Variants in TDRP observed in about 807,000 individuals in gnomAD.
TDRP encodes the protein testis development related protein, also known as testis development-related protein.
A neutral mutation model predicts 10.5 loss-of-function variants in TDRP; 12 were observed. That is an observed-to-expected ratio of 1.15 (90% CI 0.73 to 1.86). TDRP has a LOEUF of 1.86. TDRP is among the 40% of genes most tolerant of loss of function. The pLI, the probability that TDRP is intolerant of heterozygous loss-of-function variation, is 0.00. For missense variants in TDRP, 353 were observed against 229.2 expected (o/e 1.54, Z -3.49); for synonymous variants, 139 against 95.4 (o/e 1.46, Z -2.67).
At chr8:543,987 C>T (rs1802568827) in intron 1 of TDRP, among the ~76,000 whole-genome samples, 1 of 152,046 alleles carries the variant, frequency 6.6e-6, no homozygotes, top group African/African-American at 2.4e-5. Context: ...CCTGGGAGCC[C>T]TTTCAATTAC....
At chr8:539,905 A>C (rs1430556840) in intron 1 of TDRP, among the ~76,000 whole-genome samples, 1 of 152,190 alleles carries the variant, frequency 6.6e-6, no homozygotes, top group Admixed American at 6.5e-5. Flanking sequence ...AACACCTGAA[A>C]CACTCCTTGA....
chr8:515,529 T>C (rs1047035278), intron 1 of TDRP, among the ~76,000 whole-genome samples: 2 of 152,202 alleles, frequency 1.3e-5, no homozygotes, highest in Non-Finnish European at 2.9e-5. Context: ...TTGTCGATCA[T>C]CATGTCAGCA....
intron 1 of TDRP, among the ~76,000 whole-genome samples, chr8:523,330 G>T (rs1319542068): frequency 6.6e-6 from 1 of 152,034 alleles, no homozygotes; most frequent in African/African-American, 2.4e-5. Flanking sequence ...TTTTTCGGGG[G>T]GAATGGAGGT....
chr8:506,596 A>G (rs146763488), intron 1 of TDRP, among the ~76,000 whole-genome samples: 3 of 152,136 alleles, frequency 2.0e-5, no homozygotes, highest in African/African-American at 7.2e-5. Context: ...TGGGCTCGAG[A>G]GGTGACGGTT....
chr8:544,539 G>C, intron 1 of TDRP, 111 bp downstream of exon 1: 1 of 725,484 alleles, frequency 1.4e-6, no homozygotes, highest in African/African-American at 1.8e-5. Flanking sequence ...TCACCTGCCC[G>C]CCCAAACTGT....
intron 1 of TDRP, among the ~76,000 whole-genome samples, chr8:510,794 C>T (rs1188606453): frequency 8.5e-5 from 13 of 152,160 alleles, no homozygotes; most frequent in African/African-American, 3.1e-4. Flanking sequence ...CATGAGAAAA[C>T]AAAGTGCACC....
chr8:530,008 A>G (rs549917906), intron 1 of TDRP, among the ~76,000 whole-genome samples: 1 of 152,106 alleles, frequency 6.6e-6, no homozygotes, highest in African/African-American at 2.4e-5. Flanking sequence ...TACAATATGT[A>G]TATTGGTCCA....
At chr8:524,073 CT>C (rs1563127881) in intron 1 of TDRP, among the ~76,000 whole-genome samples, 1 of 152,198 alleles carries the variant, frequency 6.6e-6, no homozygotes, top group Non-Finnish European at 1.5e-5. Context: ...TGTGTCACCC[CT>C]CTCCCAGTTC....
chr8:510,121 G>C (rs1366651727), intron 1 of TDRP, among the ~76,000 whole-genome samples: 12 of 152,150 alleles, frequency 7.9e-5, no homozygotes, highest in Admixed American at 7.9e-4. Flanking sequence ...TCACCAACCA[G>C]GAAGCTCCAC....
chr8:503,508 A>C, intron 1 of TDRP, among the ~76,000 whole-genome samples: 1 of 146,834 alleles, frequency 6.8e-6, no homozygotes, highest in South Asian at 2.2e-4. Flanking sequence ...ACCTCAGCAC[A>C]CACCAACACG....
chr8:504,039 G>C (rs1344867097), intron 1 of TDRP, among the ~76,000 whole-genome samples: 1 of 151,112 alleles, frequency 6.6e-6, no homozygotes, highest in Non-Finnish European at 1.5e-5. Context: ...ACGGAATCCA[G>C]AGCCACAAAA....
In TDRP at chr8:516,275, G is replaced by T. The variant is rs558497555; in HGVS notation, c.109-21678C>A. On this transcript the variant is annotated intron_variant, in intron 1 of 2. Coordinates refer to ENST00000324079, the MANE Select transcript of TDRP (RefSeq NM_001384899.1). ...CTACTATCACTATTGGGACTATGGC[G>T]TGTCCCTCAGGAATGTGGAATACAA... 1.1e-4 allele frequency among the ~76,000 whole-genome samples: 17 copies of T among 152,244 alleles called. No homozygotes were observed. The South Asian group carries it at 3.3e-3, about 30-fold the overall frequency.
intron 1 of TDRP, among the ~76,000 whole-genome samples, chr8:526,842 G>T (rs1377972831): frequency 1.3e-5 from 2 of 152,104 alleles, no homozygotes; most frequent in Non-Finnish European, 1.5e-5. Flanking sequence ...CGTAGTACTG[G>T]AAGTCCTAGC....
chr8:506,855 G>C (rs1253989865), intron 1 of TDRP, among the ~76,000 whole-genome samples: 1 of 152,178 alleles, frequency 6.6e-6, no homozygotes, highest in African/African-American at 2.4e-5. Context: ...AGAGTGTAGA[G>C]AAGCTTAAAC....
intron 1 of TDRP, among the ~76,000 whole-genome samples, chr8:543,190 T>C (rs1227268556): frequency 6.6e-6 from 1 of 152,086 alleles, no homozygotes. Flanking sequence ...TGCGCACTTG[T>C]AGTCCCAGCT....
In TDRP at chr8:491,821, A is replaced by G; in HGVS notation, c.*578T>C. 8.0e-7 allele frequency: 1 copy of G among 1,245,502 alleles called. No homozygotes were observed. Among genetic ancestry groups the G allele is most frequent in the East Asian group, 3.2e-5 (1 of 31,662 alleles). 77.2% of individuals were successfully genotyped at this position (1,245,502 alleles called of 1,614,324 possible). On this transcript the variant is annotated 3_prime_UTR_variant, in exon 3 of 3. Coordinates refer to ENST00000324079, the MANE Select transcript of TDRP (RefSeq NM_001384899.1). Reference sequence around the variant, plus strand: ...ATTCCTCCCTCAGCAAAAGATGAACATGCATTTTAAGATACATTTTACTCC... The same window carrying G: ...ATTCCTCCCTCAGCAAAAGATGAACGTGCATTTTAAGATACATTTTACTCC...
chr8:544,765 C>G lies in TDRP; in HGVS notation c.-8G>C. 8.1e-7 allele frequency: 1 copy of G among 1,233,366 alleles called. No homozygotes were observed. The highest frequency in any genetic ancestry group is 1.0e-6 in the Non-Finnish European group (1 of 986,566). The allele number at this position is 1,233,366 out of a possible 1,614,324, so 76.4% of individuals were successfully genotyped here. Reference sequence around the variant, plus strand: ...CCGGCCCAGCTTCCACATGGTCAGGCGGGCTCCGGCGTCCCTCCGTCCGTG... The same window carrying G: ...CCGGCCCAGCTTCCACATGGTCAGGGGGGCTCCGGCGTCCCTCCGTCCGTG... On this transcript the variant is annotated 5_prime_UTR_variant, in exon 1 of 3. Transcript: ENST00000324079.
intron 1 of TDRP, among the ~76,000 whole-genome samples, chr8:535,029 C>T (rs963374608): frequency 2.0e-5 from 3 of 152,198 alleles, no homozygotes; most frequent in African/African-American, 7.2e-5. Flanking sequence ...GATAAAAGGA[C>T]TCGTTATCTT....
intron 1 of TDRP, among the ~76,000 whole-genome samples, chr8:511,837 GTCTAAGAA>G (rs1422307095): frequency 6.6e-6 from 1 of 152,112 alleles, no homozygotes; most frequent in African/African-American, 2.4e-5. Context: ...TTACCAATGG[GTCTAAGAA>G]GGAAATCAGA....
Sources: gnomAD v4.1 joint callset for allele counts (sites outside exome capture counted in the v4.1 genomes callset) on GRCh38, gnomAD v4.1.1 for gene constraint, MANE v1.5 for transcripts, NCBI Gene and HGNC (gene_info 2026-07-23, HGNC 2026-07-21) for gene names.